Variants in DMAC2 observed in about 807,000 individuals in gnomAD.
DMAC2 encodes distal membrane-arm assembly complex protein 2.
Under a neutral mutation model 29.6 loss-of-function variants are expected in DMAC2, and 32 were observed. That is an observed-to-expected ratio of 1.08 (90% CI 0.81 to 1.45). The LOEUF is 1.45. Among genes scored for constraint, DMAC2 ranks in the 40% most tolerant of loss-of-function variants. DMAC2 has a pLI of 0.00. For missense variants in DMAC2, 319 were observed against 340.0 expected (o/e 0.94, Z 0.49); for synonymous variants, 133 against 137.4 (o/e 0.97, Z 0.23).
intron 1 of DMAC2, 29 bp from the exon 2 acceptor site, chr19:41,438,443 G>A: frequency 6.3e-7 from 1 of 1,581,488 alleles, no homozygotes; most frequent in Non-Finnish European, 8.6e-7. Context: ...AAGGAGCTGA[G>A]CCTGGAGCCT....
intron 2 of DMAC2, among the ~76,000 whole-genome samples, chr19:41,437,297 G>C (rs374949175): frequency 5.9e-5 from 9 of 152,316 alleles, no homozygotes; most frequent in Middle Eastern, 3.4e-3. Context: ...TTGGGAGGCT[G>C]AGGCGGGAGA....
At chr19:41,438,473 G>T in intron 1 of DMAC2, 59 bp from the exon 2 acceptor site, 1 of 1,418,884 alleles carries the variant, frequency 7.0e-7, no homozygotes, top group Non-Finnish European at 9.6e-7. Flanking sequence ...CACAGAGCTG[G>T]ATCCCCCAGT....
Position 41,439,476 on chromosome 19 carries a change from T to C in DMAC2, c.18+406A>G, listed in dbSNP as rs201128960. On this transcript the variant is annotated intron_variant, in intron 1 of 5. Transcript: ENST00000221943. Reference sequence around the variant, plus strand: ...AATCTCCCACTAACTTTCCTTACATTCATCCTTCGGTCTTCTAAGACCAAA... The same window carrying C: ...AATCTCCCACTAACTTTCCTTACATCCATCCTTCGGTCTTCTAAGACCAAA... The C allele has an allele frequency of 2.6e-3, 4,043 of 1,536,936 alleles. 11 individuals are homozygous for C. The highest frequency in any genetic ancestry group is 9.0e-3 in the Middle Eastern group (54 of 5,986).
Position 41,433,404 on chromosome 19 carries a change from A to C in DMAC2, c.464T>G (p.Leu155Arg). The C allele has an allele frequency of 6.2e-7, 1 of 1,613,690 alleles. No homozygotes were observed. Among genetic ancestry groups the C allele is most frequent in the Non-Finnish European group, 8.5e-7 (1 of 1,179,862 alleles). The change falls in exon 5 of 6, where the codon CTG (leucine) becomes CGG (arginine). Residue 155 changes from leucine to arginine, a missense_variant. Physicochemically the swap from Leu to Arg is moderately radical, Grantham distance 102. Coordinates refer to ENST00000221943, the MANE Select transcript of DMAC2 (RefSeq NM_018035.3). ...LRLKELQSLS[L>R]QRCCHVDDWC... ...GTCGTCCACGTGGCAGCAGCGCTGCAGCGACAAGGACTGGAGCTCCTTCAG... is the reference window on the plus strand; with the variant it reads ...GTCGTCCACGTGGCAGCAGCGCTGCCGCGACAAGGACTGGAGCTCCTTCAG...
At chr19:41,432,810 G>A in intron 5 of DMAC2, 1 of 513,302 alleles carries the variant, frequency 1.9e-6, no homozygotes. Context: ...GTGTGTGTGT[G>A]TGTGTGTAGG....
chr19:41,439,134 G>A, intron 1 of DMAC2: 1 of 246,828 alleles, frequency 4.1e-6, no homozygotes, highest in Non-Finnish European at 7.9e-6. Flanking sequence ...TGTGGCCAAT[G>A]GGAAGAAGCC....
chr19:41,439,388 C>G, intron 1 of DMAC2: 1 of 946,004 alleles, frequency 1.1e-6, no homozygotes, highest in Non-Finnish European at 1.6e-6. Flanking sequence ...CCCTTAGAAC[C>G]TCCAAATTGA....
At chr19:41,434,820 C>T (rs782194975) in intron 3 of DMAC2, among the ~76,000 whole-genome samples, 6 of 152,024 alleles carry the variant, frequency 3.9e-5, no homozygotes, top group Non-Finnish European at 5.9e-5. Context: ...GCCTGGCCAA[C>T]ATGGTAAAAC....
rs2231946 is a variant in DMAC2, at chr19:41,432,158, A to T, written c.*73T>A. The stretch of plus-strand genomic sequence containing the variant: ...CGTTGAGTGAAGACAAATGGAAGCC[A>T]GAAGTGTGGTGAGCTACCAGACATT... On this transcript the variant is annotated 3_prime_UTR_variant, in exon 6 of 6. Coordinates refer to ENST00000221943, the MANE Select transcript of DMAC2 (RefSeq NM_018035.3). 2,460 of 1,525,652 alleles carry T rather than the reference A, an allele frequency of 1.6e-3. 33 individuals carry two copies. In the African/African-American group the frequency reaches 0.028, roughly 18 times the overall value. 94.5% of individuals were successfully genotyped at this position (1,525,652 alleles called of 1,614,324 possible). A position where few individuals can be genotyped will look rare whatever the true frequency, so the allele number is the denominator to read the frequency against.
Position 41,432,133 on chromosome 19 carries a change from C to T in DMAC2, c.*98G>A, listed in dbSNP as rs1431760449. The T allele has an allele frequency of 2.1e-5, 29 of 1,377,784 alleles. 1 individual carries two copies. The highest frequency in any genetic ancestry group is 2.1e-4 in the South Asian group (16 of 77,186). 85.3% of individuals were successfully genotyped at this position (1,377,784 alleles called of 1,614,324 possible). A position where few individuals can be genotyped will look rare whatever the true frequency, so the allele number is the denominator to read the frequency against. ...GGCCAGCACCACTCCCCCACCCTGA[C>T]GTTGAGTGAAGACAAATGGAAGCCA... On this transcript the variant is annotated 3_prime_UTR_variant, in exon 6 of 6. Coordinates refer to ENST00000221943, the MANE Select transcript of DMAC2 (RefSeq NM_018035.3).
rs1266380426 is a variant in DMAC2 at position 41,431,962 on chromosome 19, T to C, written c.*269A>G. The C allele has an allele frequency of 3.8e-6, 2 of 527,298 alleles. No individual in the cohort carries two copies. The highest frequency in any genetic ancestry group is 6.4e-5 in the East Asian group (2 of 31,170). 32.7% of individuals were successfully genotyped at this position (527,298 alleles called of 1,614,324 possible). A position where few individuals can be genotyped will look rare whatever the true frequency, so the allele number is the denominator to read the frequency against. On this transcript the variant is annotated 3_prime_UTR_variant, in exon 6 of 6. Coordinates refer to ENST00000221943, the MANE Select transcript of DMAC2 (RefSeq NM_018035.3). ...TCCTGACAAGGTGAGTGTGGCTCTC[T>C]GCGGCTACTAACAGCCTGAGCCTTT...
intron 5 of DMAC2, chr19:41,433,001 T>TTGCAAATA (rs2039654423): frequency 7.5e-6 from 4 of 536,054 alleles, no homozygotes; most frequent in Non-Finnish European, 6.5e-6. Context: ...ACTGTGTTAA[T>TTGCAAATA]TGCAAATATG....
chr19:41,437,572 G>A (rs927639333), intron 2 of DMAC2, among the ~76,000 whole-genome samples: 1 of 152,048 alleles, frequency 6.6e-6, no homozygotes, highest in Non-Finnish European at 1.5e-5. Context: ...GGTGGCGGGC[G>A]CCTGTAATCC....
At chr19:41,432,811 TGTGTGTAG>T (rs1224921441) in intron 5 of DMAC2, 2 of 490,166 alleles carry the variant, frequency 4.1e-6, no homozygotes, top group African/African-American at 4.4e-5. Flanking sequence ...TGTGTGTGTG[TGTGTGTAG>T]GGAGGTACTG....
intron 1 of DMAC2, 183 bp downstream of exon 1, chr19:41,439,699 G>C: frequency 7.7e-7 from 1 of 1,306,946 alleles, no homozygotes; most frequent in Non-Finnish European, 1.1e-6. Flanking sequence ...TCCTCCGCCT[G>C]CGACCCTCAC....
chr19:41,434,942 G>A (rs2039778996), intron 3 of DMAC2, among the ~76,000 whole-genome samples: 1 of 151,228 alleles, frequency 6.6e-6, no homozygotes, highest in African/African-American at 2.4e-5. Context: ...GGAGATGGAG[G>A]TTGCAGTGAG....
At chr19:41,433,136 A>T in intron 5 of DMAC2, 136 bp downstream of exon 5, 1 of 966,044 alleles carries the variant, frequency 1.0e-6, no homozygotes, top group Non-Finnish European at 1.5e-6. Flanking sequence ...CATCTACCAT[A>T]AATACTCTAG....
chr19:41,432,786 GT>G, intron 5 of DMAC2: 1 of 154,112 alleles, frequency 6.5e-6, no homozygotes. Flanking sequence ...CAGCGTGCGT[GT>G]GTGTGTGTGT....
intron 1 of DMAC2, 67 bp from the exon 2 acceptor site, chr19:41,438,481 A>C: frequency 7.3e-7 from 1 of 1,366,924 alleles, no homozygotes; most frequent in Non-Finnish European, 9.9e-7. Flanking sequence ...TGGATCCCCC[A>C]GTTCTTGCTC....
Sources: allele counts gnomAD v4.1 joint callset (sites outside exome capture counted in the v4.1 genomes callset), GRCh38; gene constraint gnomAD v4.1.1; transcripts MANE v1.5; gene names NCBI Gene and HGNC (gene_info 2026-07-23, HGNC 2026-07-21).